The following PTPRS variants were observed in gnomAD, a reference collection of about 807,000 sequenced individuals.
PTPRS encodes the protein protein tyrosine phosphatase receptor type S.
A neutral mutation model predicts 215.3 loss-of-function variants in PTPRS; 63 were observed. The ratio of observed to expected loss-of-function variants is 0.29; its 90% CI spans 0.24 to 0.36. PTPRS has a LOEUF of 0.36. Among genes scored for constraint, PTPRS ranks in the 10% least tolerant of loss-of-function variants. The pLI is 1.00. For synonymous variants in PTPRS, 1,404 were observed against 1,191.4 expected, an observed-to-expected ratio of 1.18 and a Z score of -3.68; for missense variants, 2,258 against 2,825.8, an observed-to-expected ratio of 0.80 and a Z score of 4.56.
chr19:5,309,950 A>G (rs1231519651), intron 1 of PTPRS, among the ~76,000 whole-genome samples: 3 of 152,060 alleles, frequency 2.0e-5, no homozygotes, highest in African/African-American at 7.2e-5. Flanking sequence ...TCCTTTGCCC[A>G]TAGCCCTCCC....
chr19:5,208,394 A>G lies in PTPRS; in HGVS notation c.5488-3T>C, dbSNP rs200347144. The G allele has an allele frequency of 3.2e-6, 5 of 1,573,120 alleles. No individual in the cohort carries two copies. Among genetic ancestry groups the G allele is most frequent in the African/African-American group, 2.7e-5 (2 of 73,704 alleles). ...CGGACAGTCCGGGACTGGCCATCCT[A>G]GAGTGCAGAGAGCCCAATCTTGTTA... On this transcript the variant is annotated splice_region_variant and splice_polypyrimidine_tract_variant and intron_variant, in intron 35 of 37. Transcript: ENST00000262963.
intron 23 of PTPRS, chr19:5,219,033 C>G (rs2041745282): frequency 1.6e-6 from 1 of 630,476 alleles, no homozygotes; most frequent in Non-Finnish European, 2.7e-6. Flanking sequence ...CAATTGCTAT[C>G]CTCATTGAAC....
intron 7 of PTPRS, among the ~76,000 whole-genome samples, chr19:5,259,116 C>T (rs1327657933): frequency 6.6e-6 from 1 of 152,056 alleles, no homozygotes; most frequent in East Asian, 1.9e-4. Context: ...CTAAAATGCC[C>T]CAAGCCTGGA....
Position 5,256,231 on chromosome 19 carries a change from T to C in PTPRS, c.707-112A>G, listed in dbSNP as rs1253951615. On this transcript the variant is annotated intron_variant, in intron 8 of 37. Transcript: ENST00000262963. Reference sequence around the variant, plus strand: ...GACTTCCCAAGGCTAAAAGCTGCAATAGTTTGTTGTTTTTTTTTTCTTTAA... The same window carrying C: ...GACTTCCCAAGGCTAAAAGCTGCAACAGTTTGTTGTTTTTTTTTTCTTTAA... The C allele has an allele frequency of 3.8e-6, 3 of 787,496 alleles. No homozygotes were observed. The African/African-American group carries it at 5.7e-5, about 15-fold the overall frequency. The allele number at this position is 787,496 out of a possible 1,614,324, so 48.8% of individuals were successfully genotyped here.
At chr19:5,301,876 G>A (rs1349903392) in intron 1 of PTPRS, among the ~76,000 whole-genome samples, 2 of 152,154 alleles carry the variant, frequency 1.3e-5, no homozygotes, top group African/African-American at 4.8e-5. Context: ...CGCTTCCTGG[G>A]TTCAAGTGAT....
In PTPRS at chr19:5,231,629, G is replaced by C; in HGVS notation, c.1850-14C>G. 1 of 110,328 alleles carries C rather than the reference G, an allele frequency of 9.1e-6. No individual in the cohort carries two copies. Among genetic ancestry groups the C allele is most frequent in the Non-Finnish European group, 1.8e-5 (1 of 56,524 alleles). 6.8% of individuals were successfully genotyped at this position (110,328 alleles called of 1,614,324 possible). A position where few individuals can be genotyped will look rare whatever the true frequency, so the allele number is the denominator to read the frequency against. On this transcript the variant is annotated splice_polypyrimidine_tract_variant and intron_variant, in intron 13 of 37. Coordinates refer to ENST00000262963, the MANE Select transcript of PTPRS (RefSeq NM_002850.4). ...GGGCTGACGGTTCTATTGGAGGGGG[G>C]GAGAACGTGGGGGGGTGGGGAAGGG... is the stretch of plus-strand genomic sequence containing the variant.
At chr19:5,285,007 G>A (rs2048222475) in intron 2 of PTPRS, among the ~76,000 whole-genome samples, 1 of 151,160 alleles carries the variant, frequency 6.6e-6, no homozygotes, top group Non-Finnish European at 1.5e-5. Flanking sequence ...GCAAATGAAT[G>A]AGGCAGGGGT....
chr19:5,296,897 G>T (rs1297235994), intron 1 of PTPRS, among the ~76,000 whole-genome samples: 2 of 152,164 alleles, frequency 1.3e-5, no homozygotes, highest in African/African-American at 4.8e-5. Flanking sequence ...GGCAGACTGT[G>T]GGGGATGACT....
In PTPRS at chr19:5,237,132, T is replaced by A. The variant is rs1388372409; in HGVS notation, c.1849+1787A>T. ...GGCCAGACCGAACTCTTGGTGGGTC[T>A]CAGGATGCCAGTGGCCCCGCAGCCC... On this transcript the variant is annotated intron_variant, in intron 13 of 37. Transcript: ENST00000262963. The surrounding 1 kb of genome is among the most constrained non-coding windows in gnomAD (Gnocchi z 4.2). Among the ~76,000 whole-genome samples, 1 of 152,180 alleles carries A rather than the reference T, an allele frequency of 6.6e-6. No individual in the cohort carries two copies. The highest frequency in any genetic ancestry group is 1.5e-5 in the Non-Finnish European group (1 of 68,046).
At chr19:5,241,174 C>A (rs1026126962) in intron 11 of PTPRS, among the ~76,000 whole-genome samples, 1 of 151,970 alleles carries the variant, frequency 6.6e-6, no homozygotes, top group Non-Finnish European at 1.5e-5. Context: ...CAGGCGCGAA[C>A]CACCACACCT....
intron 16 of PTPRS, among the ~76,000 whole-genome samples, chr19:5,227,940 C>T (rs1263227941): frequency 6.6e-6 from 1 of 151,646 alleles, no homozygotes. Flanking sequence ...ACACACGCAC[C>T]CCCCCAAGCA....
At position 5,220,315 on chromosome 19, in the gene PTPRS, C is replaced by A; in HGVS notation, c.3494G>T (p.Arg1165Leu). 1.2e-6 allele frequency: 2 copies of A among 1,614,012 alleles called. No individual in the cohort carries two copies. The highest frequency in any genetic ancestry group is 2.2e-5 in the East Asian group (1 of 44,872). The change falls in exon 21 of 38, where the codon CGT becomes CTT. Residue 1165 changes from arginine to leucine, a missense_variant. This residue lies in a region of PTPRS where 927 missense variants were observed against 1,125.9 expected (regional missense o/e 0.82). Transcript: ENST00000262963. ...FIVMVPLRKS[R>L]GGQFLTPLGS... ...CAGCGGGGTCAGGAATTGGCCTCCACGAGACTTGCGCAGTGGCACCATCAC... is the reference window on the plus strand; with the variant it reads ...CAGCGGGGTCAGGAATTGGCCTCCAAGAGACTTGCGCAGTGGCACCATCAC...
chr19:5,312,393 G>T (rs2049735640), intron 1 of PTPRS, among the ~76,000 whole-genome samples: 2 of 151,776 alleles, frequency 1.3e-5, no homozygotes, highest in African/African-American at 4.8e-5. Flanking sequence ...AGGCATGGTG[G>T]CTCACACCTG....
chr19:5,222,953 G>T lies in PTPRS; in HGVS notation c.2839C>A (p.Leu947Ile). The T allele has an allele frequency of 6.5e-7, 1 of 1,548,530 alleles. No individual in the cohort carries two copies. The highest frequency in any genetic ancestry group is 2.4e-5 in the East Asian group (1 of 41,294). Residue 947 changes from leucine (L) to isoleucine (I), a missense_variant, in exon 18 of 38, where the codon CTT (leucine) becomes ATT (isoleucine). Transcript: ENST00000262963. ...GGCACGGGTGGCAGCCAGCGGAGAA[G>T]GACGGTCCCGGCCGAGGCGTTGCCG... ...AAGNASAGTV[L>I]LRWLPPVPAE... is the part of the protein sequence containing the mutation.
intron 30 of PTPRS, among the ~76,000 whole-genome samples, chr19:5,213,724 C>T (rs2041149557): frequency 6.6e-6 from 1 of 152,190 alleles, no homozygotes; most frequent in Non-Finnish European, 1.5e-5. Context: ...TTTTCTGGCA[C>T]TTAGGTCAAG....
chr19:5,206,274 T>C lies in PTPRS; in HGVS notation c.*500A>G, dbSNP rs2040360831. ...TTAAAAAAAAAAATGGAAAAAAAAA[T>C]ACACTATTTAAAAAAAATGAAATGT... On this transcript the variant is annotated 3_prime_UTR_variant, in exon 38 of 38. Coordinates refer to ENST00000262963, the MANE Select transcript of PTPRS (RefSeq NM_002850.4). 1 of 218,548 alleles carries C rather than the reference T, an allele frequency of 4.6e-6. No individual in the cohort carries two copies. The highest frequency in any genetic ancestry group is 6.6e-5 in the East Asian group (1 of 15,260). 13.5% of individuals were successfully genotyped at this position (218,548 alleles called of 1,614,324 possible).
At chr19:5,329,000 G>A (rs970666554) in intron 1 of PTPRS, among the ~76,000 whole-genome samples, 8 of 152,328 alleles carry the variant, frequency 5.3e-5, no homozygotes, top group Admixed American at 1.3e-4. Context: ...TAGCTCCCAG[G>A]AGCCAGACGG....
chr19:5,317,854 G>A (rs559821233), intron 1 of PTPRS, among the ~76,000 whole-genome samples: 89 of 152,128 alleles, frequency 5.9e-4, no homozygotes, highest in Middle Eastern at 6.8e-3. Flanking sequence ...TGGCCAACAT[G>A]GTGAAACCCC....
chr19:5,254,528 G>C (rs1272943138), intron 9 of PTPRS, among the ~76,000 whole-genome samples: 1 of 152,152 alleles, frequency 6.6e-6, no homozygotes, highest in Non-Finnish European at 1.5e-5. Context: ...GCAAGAGTGA[G>C]AGACACACAG....
Sources: allele counts gnomAD v4.1 joint callset (sites outside exome capture counted in the v4.1 genomes callset), GRCh38; gene constraint gnomAD v4.1.1; regional missense constraint gnomAD v4.1.1; non-coding constraint Gnocchi (gnomAD v3.1); transcripts MANE v1.5; gene names NCBI Gene and HGNC (gene_info 2026-07-23, HGNC 2026-07-21).